Variants in NTNG1 observed in about 807,000 individuals in gnomAD.
NTNG1 encodes netrin G1, also known as netrin-G1.
NTNG1 carries 16 observed loss-of-function variants against 54.0 expected under a neutral mutation model. That is an observed-to-expected ratio of 0.30 (90% CI 0.20 to 0.45). The LOEUF (loss-of-function observed/expected upper bound fraction) is 0.45. NTNG1 is among the 20% of genes least tolerant of loss of function. The pLI, the probability that NTNG1 is intolerant of heterozygous loss-of-function variation, is 1.00. For missense variants in NTNG1, 530 were observed against 678.7 expected, an observed-to-expected ratio of 0.78 and a Z score of 2.43; for synonymous variants, 255 against 263.1, an observed-to-expected ratio of 0.97 and a Z score of 0.30.
intron 2 of NTNG1, among the ~76,000 whole-genome samples, chr1:107,165,511 A>C (rs1369281662): frequency 6.6e-6 from 1 of 152,050 alleles, no homozygotes; most frequent in Non-Finnish European, 1.5e-5. Context: ...TTAACAATGC[A>C]CTCACCATTT....
intron 7 of NTNG1, among the ~76,000 whole-genome samples, chr1:107,468,790 T>A (rs2101573725): frequency 6.6e-6 from 1 of 152,306 alleles, no homozygotes; most frequent in Non-Finnish European, 1.5e-5. Context: ...AGCTAATACA[T>A]TTTGCTTAAT....
intron 1 of NTNG1, among the ~76,000 whole-genome samples, chr1:107,143,719 T>C (rs1653905847): frequency 6.6e-6 from 1 of 151,804 alleles, no homozygotes; most frequent in African/African-American, 2.4e-5. Flanking sequence ...GATTTTCTCA[T>C]ATATGCGTTT....
intron 4 of NTNG1, among the ~76,000 whole-genome samples, chr1:107,401,340 A>G (rs1673021301): frequency 6.6e-6 from 1 of 152,168 alleles, no homozygotes; most frequent in Non-Finnish European, 1.5e-5. Flanking sequence ...CTGTAGGCCC[A>G]GTGTTGAAAA....
chr1:107,263,309 CTTCCTTCCTTCCTTCT>C (rs1435129677), intron 2 of NTNG1, among the ~76,000 whole-genome samples: 5 of 148,882 alleles, frequency 3.4e-5, no homozygotes, highest in Admixed American at 6.7e-5. Context: ...TCCTTCCTTC[CTTCCTTCCTTCCTTCT>C]TTCCTTCCTT....
In NTNG1 at chr1:107,180,372, A is replaced by T. The variant is rs1327967232; in HGVS notation, c.246+31533A>T. Among the ~76,000 whole-genome samples the T allele has an allele frequency of 2.0e-5, 3 of 152,172 alleles. No individual in the cohort carries two copies. In the East Asian group the frequency reaches 5.8e-4, roughly 29 times the overall value. Reference sequence around the variant, plus strand: ...AAGTAAAGTCTTTCAAACTTTTTAAATCTAAAATTAATGGTAATGCATTTT... The same window carrying T: ...AAGTAAAGTCTTTCAAACTTTTTAATTCTAAAATTAATGGTAATGCATTTT... On this transcript the variant is annotated intron_variant, in intron 2 of 7. Transcript: ENST00000370068.
intron 1 of NTNG1, among the ~76,000 whole-genome samples, chr1:107,142,112 T>A (rs1653774443): frequency 6.6e-6 from 1 of 152,158 alleles, no homozygotes; most frequent in African/African-American, 2.4e-5. Flanking sequence ...GGCATCATAT[T>A]AATCGGTTGA....
chr1:107,181,196 G>A (rs893613586), intron 2 of NTNG1, among the ~76,000 whole-genome samples: 4 of 152,172 alleles, frequency 2.6e-5, no homozygotes. Context: ...GTGATATTTT[G>A]TTATGCAAGG....
intron 3 of NTNG1, among the ~76,000 whole-genome samples, chr1:107,365,521 G>A (rs1319088504): frequency 6.6e-6 from 1 of 151,998 alleles, no homozygotes; most frequent in Non-Finnish European, 1.5e-5. Context: ...ATATAGGTAA[G>A]CCAATATAAT....
At chr1:107,143,601 G>A (rs903505729) in intron 1 of NTNG1, among the ~76,000 whole-genome samples, 12 of 152,030 alleles carry the variant, frequency 7.9e-5, no homozygotes, top group African/African-American at 2.9e-4. Flanking sequence ...ATATTGTATA[G>A]GAGATTATAT....
intron 3 of NTNG1, among the ~76,000 whole-genome samples, chr1:107,352,889 G>A (rs2100908702): frequency 6.6e-6 from 1 of 152,284 alleles, no homozygotes; most frequent in East Asian, 1.9e-4. Flanking sequence ...CTGTAGGTGG[G>A]CCCCTTTGAG....
intron 2 of NTNG1, among the ~76,000 whole-genome samples, chr1:107,317,729 C>G (rs1161299099): frequency 1.3e-5 from 2 of 152,110 alleles, no homozygotes; most frequent in Non-Finnish European, 1.5e-5. Context: ...TAAGCCCTCC[C>G]GTCTTTATTC....
At position 107,480,864 on chromosome 1, in the gene NTNG1, C is replaced by T. The variant is rs1442073858; in HGVS notation, c.*24C>T. On this transcript the variant is annotated 3_prime_UTR_variant, in exon 8 of 8. Coordinates refer to ENST00000370068, the MANE Select transcript of NTNG1 (RefSeq NM_001113226.3). ...AGGTGTCACCTCCAGCCACACCGGA[C>T]GGGCCTGTGCCGTGGGGAAGCAGAC... The T allele has an allele frequency of 3.3e-6, 5 of 1,521,894 alleles. No individual in the cohort carries two copies. The highest frequency in any genetic ancestry group is 4.5e-6 in the Non-Finnish European group (5 of 1,122,500). The allele number at this position is 1,521,894 out of a possible 1,614,324, so 94.3% of individuals were successfully genotyped here.
intron 2 of NTNG1, among the ~76,000 whole-genome samples, chr1:107,187,983 G>C (rs1373129970): frequency 6.6e-6 from 1 of 152,126 alleles, no homozygotes; most frequent in East Asian, 1.9e-4. Flanking sequence ...GATGTTTTAT[G>C]CTGCATGATC....
chr1:107,252,066 A>AC (rs1662641262), intron 2 of NTNG1, among the ~76,000 whole-genome samples: 1 of 152,226 alleles, frequency 6.6e-6, no homozygotes, highest in African/African-American at 2.4e-5. Context: ...CCTCATTTGT[A>AC]AAATGAGGAC....
intron 1 of NTNG1, among the ~76,000 whole-genome samples, chr1:107,142,471 C>G (rs1653802080): frequency 6.6e-6 from 1 of 151,886 alleles, no homozygotes; most frequent in Admixed American, 6.6e-5. Flanking sequence ...AGTAGACGGT[C>G]CTCCTCTCTC....
chr1:107,372,883 A>G (rs1671009952), intron 3 of NTNG1, among the ~76,000 whole-genome samples: 1 of 152,182 alleles, frequency 6.6e-6, no homozygotes, highest in Non-Finnish European at 1.5e-5. Flanking sequence ...TTATAATTAA[A>G]TAACCTACAT....
At chr1:107,432,494 G>A (rs903759416) in intron 6 of NTNG1, among the ~76,000 whole-genome samples, 2 of 152,172 alleles carry the variant, frequency 1.3e-5, no homozygotes, top group Non-Finnish European at 2.9e-5. Flanking sequence ...TCCACTCTGA[G>A]TTTATGAACA....
intron 2 of NTNG1, among the ~76,000 whole-genome samples, chr1:107,186,224 C>G (rs1657449408): frequency 6.6e-6 from 1 of 152,108 alleles, no homozygotes; most frequent in Non-Finnish European, 1.5e-5. Flanking sequence ...CAAAATATAT[C>G]CCAAATCTGT....
At chr1:107,355,756 A>G (rs1186568036) in intron 3 of NTNG1, among the ~76,000 whole-genome samples, 1 of 152,020 alleles carries the variant, frequency 6.6e-6, no homozygotes, top group Non-Finnish European at 1.5e-5. Flanking sequence ...TTCTTTATTT[A>G]GGGTTATCTT....
Sources: gnomAD v4.1 joint callset for allele counts (sites outside exome capture counted in the v4.1 genomes callset) on GRCh38, gnomAD v4.1.1 for gene constraint, MANE v1.5 for transcripts, NCBI Gene and HGNC (gene_info 2026-07-23, HGNC 2026-07-21) for gene names.